Variants in LRRC37A2 observed in about 807,000 individuals in gnomAD.
The protein encoded by LRRC37A2 is leucine-rich repeat-containing protein 37A2.
A neutral mutation model predicts 68.8 loss-of-function variants in LRRC37A2; 9 were observed. The observed-to-expected ratio is 0.13, with a 90% CI of 0.08 to 0.23. LRRC37A2 has a LOEUF of 0.23. Among genes scored for constraint, LRRC37A2 ranks in the 10% least tolerant of loss-of-function variants. The pLI, the probability that LRRC37A2 is intolerant of heterozygous loss-of-function variation, is 1.00. For missense variants in LRRC37A2, 168 were observed against 950.4 expected (o/e 0.18, Z 10.82); for synonymous variants, 63 against 367.6 (o/e 0.17, Z 9.48).
the LRRC37A2 span, among the ~76,000 whole-genome samples, chr17:47,020,615 T>A: frequency 6.7e-6 from 1 of 149,318 alleles, no homozygotes; most frequent in African/African-American, 2.5e-5. Context: ...CCATCTCTAC[T>A]AAAAATACAG....
At chr17:47,047,630 T>A in the LRRC37A2 span, among the ~76,000 whole-genome samples, 1 of 151,982 alleles carries the variant, frequency 6.6e-6, no homozygotes, top group Non-Finnish European at 1.5e-5. Flanking sequence ...TTTAAATTCA[T>A]GAGGTCTCAA....
the LRRC37A2 span, among the ~76,000 whole-genome samples, chr17:47,038,785 C>A: frequency 9.7e-6 from 1 of 102,712 alleles, no homozygotes; most frequent in African/African-American, 3.2e-5. Context: ...CCTCTGCCTC[C>A]CAGGTTCAAG....
the LRRC37A2 span, among the ~76,000 whole-genome samples, chr17:47,026,687 C>A: frequency 3.3e-5 from 5 of 152,070 alleles, no homozygotes; most frequent in Admixed American, 3.3e-4. Flanking sequence ...GAATAAATTT[C>A]TTTTATGAAA....
chr17:46,769,717 G>C, the LRRC37A2 span: 5 of 1,590,796 alleles, frequency 3.1e-6, no homozygotes, highest in East Asian at 4.5e-5. Flanking sequence ...GTGGGGGCCA[G>C]GGCAGCTCCG....
chr17:46,828,032 G>A, the LRRC37A2 span, among the ~76,000 whole-genome samples: 5 of 151,256 alleles, frequency 3.3e-5, no homozygotes, highest in South Asian at 4.2e-4. Flanking sequence ...GGATGGTCTC[G>A]ATCCGCTGAC....
At chr17:46,819,221 G>C in the LRRC37A2 span, among the ~76,000 whole-genome samples, 310 of 152,262 alleles carry the variant, frequency 2.0e-3, no homozygotes, top group African/African-American at 7.2e-3. The surrounding 1 kb of genome is among the most constrained non-coding windows in gnomAD (Gnocchi z 5.3). Flanking sequence ...TCCCGAGTCC[G>C]CCCGCTCTCT....
chr17:46,404,829 C>T, the LRRC37A2 span, among the ~76,000 whole-genome samples: 1 of 91,832 alleles, frequency 1.1e-5, no homozygotes, highest in Non-Finnish European at 2.6e-5. Flanking sequence ...GATATCGCAC[C>T]AGGGCAGTCC....
the LRRC37A2 span, among the ~76,000 whole-genome samples, chr17:46,820,413 C>T: frequency 6.6e-6 from 1 of 151,658 alleles, no homozygotes; most frequent in Non-Finnish European, 1.5e-5. Flanking sequence ...ATGAGAGAGA[C>T]GCTGAGACAG....
the LRRC37A2 span, among the ~76,000 whole-genome samples, chr17:46,718,905 G>GCA: frequency 6.6e-6 from 1 of 152,060 alleles, no homozygotes. Flanking sequence ...TCAGAAGTGG[G>GCA]ATTGCTAAGG....
the LRRC37A2 span, among the ~76,000 whole-genome samples, chr17:46,712,865 A>G: frequency 6.6e-6 from 1 of 152,208 alleles, no homozygotes; most frequent in Non-Finnish European, 1.5e-5. Flanking sequence ...AAGAAAAGAA[A>G]CATATTTTAA....
At chr17:47,019,060 C>T in the LRRC37A2 span, 22 of 1,393,162 alleles carry the variant, frequency 1.6e-5, no homozygotes, top group Middle Eastern at 2.5e-4. Flanking sequence ...GAACCCACTA[C>T]GGAGGTTGGA....
At chr17:46,905,711 T>A in the LRRC37A2 span, among the ~76,000 whole-genome samples, 1 of 152,172 alleles carries the variant, frequency 6.6e-6, no homozygotes, top group Non-Finnish European at 1.5e-5. Context: ...ACGTGCAGCC[T>A]GGAACAGCCC....
the LRRC37A2 span, chr17:46,729,040 CTGT>C: frequency 9.8e-6 from 7 of 717,184 alleles, no homozygotes; most frequent in Admixed American, 5.9e-5. Flanking sequence ...ACATAAAATT[CTGT>C]TGTTGAAAGG....
the LRRC37A2 span, among the ~76,000 whole-genome samples, chr17:46,967,287 G>A: frequency 6.6e-6 from 1 of 152,220 alleles, no homozygotes; most frequent in African/African-American, 2.4e-5. Flanking sequence ...CCTCAAACAA[G>A]TCTCTTACCC....
the LRRC37A2 span, among the ~76,000 whole-genome samples, chr17:46,895,701 T>C: frequency 1.3e-5 from 2 of 152,370 alleles, no homozygotes; most frequent in South Asian, 2.1e-4. Flanking sequence ...CAACGTTGCA[T>C]GGCAGGTCCT....
chr17:46,957,728 G>A, the LRRC37A2 span, among the ~76,000 whole-genome samples: 44 of 152,330 alleles, frequency 2.9e-4, no homozygotes, highest in Non-Finnish European at 5.1e-4. Context: ...GAAGGGAATT[G>A]ATGGCAGCCC....
At chr17:46,860,405 G>A in the LRRC37A2 span, among the ~76,000 whole-genome samples, 5 of 152,250 alleles carry the variant, frequency 3.3e-5, no homozygotes, top group African/African-American at 1.2e-4. Context: ...GAGCAGGATC[G>A]GACATGGCCC....
At chr17:46,828,059 C>T in the LRRC37A2 span, among the ~76,000 whole-genome samples, 1 of 152,068 alleles carries the variant, frequency 6.6e-6, no homozygotes, top group East Asian at 1.9e-4. Flanking sequence ...ATCCGCCGAC[C>T]TCATGATCCG....
chr17:46,694,243 C>T, the LRRC37A2 span, among the ~76,000 whole-genome samples: 42 of 137,204 alleles, frequency 3.1e-4, 12 homozygotes, highest in African/African-American at 1.2e-3. Context: ...AAAACTTAGC[C>T]GAGTGTGGTG....
Sources: gnomAD v4.1 joint callset for allele counts (sites outside exome capture counted in the v4.1 genomes callset) on GRCh38, gnomAD v4.1.1 for gene constraint, Gnocchi (gnomAD v3.1) non-coding constraint, MANE v1.5 for transcripts, NCBI Gene and HGNC (gene_info 2026-07-23, HGNC 2026-07-21) for gene names.